Variants in RYR2 observed in about 807,000 individuals in gnomAD.
RYR2 encodes the protein ryanodine receptor 2.
A neutral mutation model predicts 601.1 loss-of-function variants in RYR2; 227 were observed. The ratio of observed to expected loss-of-function variants is 0.38; its 90% CI spans 0.34 to 0.42. The LOEUF is 0.42. RYR2 is among the 10% of genes least tolerant of loss of function. RYR2 has a pLI of 1.00. For synonymous variants in RYR2, 2,223 were observed against 2,175.1 expected, an observed-to-expected ratio of 1.02 and a Z score of -0.61; for missense variants, 4,646 against 6,156.5, an observed-to-expected ratio of 0.75 and a Z score of 8.21.
intron 88 of RYR2, among the ~76,000 whole-genome samples, chr1:237,781,175 A>G (rs1695077562): frequency 6.6e-6 from 1 of 152,004 alleles, no homozygotes; most frequent in Non-Finnish European, 1.5e-5. Flanking sequence ...CAGCCTCCTG[A>G]GTAGCTGAGA....
rs751278951 is a variant in RYR2, at chr1:237,733,733, G to C, written c.11068G>C (p.Ala3690Pro). Reference sequence around the variant, plus strand: ...ACTGGAGGAAGATTTTTTATATATGGCCTATGCAGATATTATGGCAAAGGT... The same window carrying C: ...ACTGGAGGAAGATTTTTTATATATGCCCTATGCAGATATTATGGCAAAGGT... ...CKLEEDFLYMAYADIMAKSCH... is the reference protein window; with the variant it reads ...CKLEEDFLYMPYADIMAKSCH... Residue 3690 changes from alanine (A) to proline (P), a missense_variant, in exon 79 of 105, where the codon GCC becomes CCC. Ala to Pro is a conservative substitution (Grantham distance 27, BLOSUM62 -1). Around this residue, in one of 17 missense-constraint regions of RYR2, gnomAD observed 1,497 missense variants for 1,842.6 expected, o/e 0.81. Coordinates refer to ENST00000366574, the MANE Select transcript of RYR2 (RefSeq NM_001035.3). 1 of 1,609,262 alleles carries C rather than the reference G, an allele frequency of 6.2e-7. No individual in the cohort carries two copies. Among genetic ancestry groups the C allele is most frequent in the Admixed American group, 1.7e-5 (1 of 59,938 alleles).
chr1:237,330,600 C>T (rs1185076710), intron 2 of RYR2, among the ~76,000 whole-genome samples: 3 of 152,152 alleles, frequency 2.0e-5, no homozygotes, highest in Admixed American at 1.3e-4. Context: ...GTTGGCCAGG[C>T]TGAACTCAAA....
chr1:237,083,093 C>T (rs1392652566), intron 1 of RYR2, among the ~76,000 whole-genome samples: 2 of 152,150 alleles, frequency 1.3e-5, no homozygotes, highest in African/African-American at 4.8e-5. Flanking sequence ...TGCCACAAGT[C>T]CCCTTTCAGA....
At chr1:237,546,999 ATTTATT>A (rs1669893899) in intron 25 of RYR2, among the ~76,000 whole-genome samples, 5 of 141,192 alleles carry the variant, frequency 3.5e-5, no homozygotes. Context: ...ATATATATTT[ATTTATT>A]TATTTATTTA....
intron 60 of RYR2, among the ~76,000 whole-genome samples, chr1:237,677,466 A>G (rs1369757017): frequency 6.6e-6 from 1 of 152,166 alleles, no homozygotes; most frequent in Admixed American, 6.5e-5. Context: ...ATCTTTTGAC[A>G]TAGGTCAAAA....
At chr1:237,405,461 C>A (rs532227520) in intron 10 of RYR2, among the ~76,000 whole-genome samples, 3 of 152,308 alleles carry the variant, frequency 2.0e-5, no homozygotes, top group Non-Finnish European at 4.4e-5. Flanking sequence ...CAAGTCTAAT[C>A]CACAGACTCA....
At chr1:237,764,213 G>A (rs763508156) in intron 84 of RYR2, among the ~76,000 whole-genome samples, 30 of 152,076 alleles carry the variant, frequency 2.0e-4, no homozygotes, top group Admixed American at 1.2e-3. Context: ...TATAGATAAG[G>A]AAACAGAGGA....
intron 1 of RYR2, among the ~76,000 whole-genome samples, chr1:237,136,226 T>A (rs1672759003): frequency 6.6e-6 from 1 of 152,212 alleles, no homozygotes; most frequent in Non-Finnish European, 1.5e-5. Context: ...CAGGATAGCA[T>A]TGCCATGTAA....
At chr1:237,296,771 C>G (rs918181671) in intron 2 of RYR2, among the ~76,000 whole-genome samples, 3 of 152,168 alleles carry the variant, frequency 2.0e-5, no homozygotes, top group African/African-American at 7.2e-5. Context: ...GGGCTCAGGT[C>G]AAGCACTTCT....
intron 73 of RYR2, among the ~76,000 whole-genome samples, chr1:237,721,086 AT>A (rs1197575723): frequency 6.6e-6 from 1 of 152,148 alleles, no homozygotes; most frequent in Non-Finnish European, 1.5e-5. Context: ...CAAAAAATGA[AT>A]TTTTTTATTC....
At chr1:237,736,139 C>CA (rs1259197581) in intron 79 of RYR2, among the ~76,000 whole-genome samples, 1 of 151,778 alleles carries the variant, frequency 6.6e-6, no homozygotes, top group African/African-American at 2.4e-5. Flanking sequence ...AGCTGAAACA[C>CA]ATAGTTTAAT....
At chr1:237,830,274 CCAT>C (rs150126361) in intron 102 of RYR2, 217 of 359,670 alleles carry the variant, frequency 6.0e-4, no homozygotes, top group South Asian at 1.0e-3. Context: ...TGCTTTTCAG[CCAT>C]CATCATCATC....
intron 57 of RYR2, among the ~76,000 whole-genome samples, chr1:237,667,345 G>A (rs962414265): frequency 2.6e-5 from 4 of 152,092 alleles, no homozygotes; most frequent in African/African-American, 7.2e-5. Flanking sequence ...CCATATGAAC[G>A]TATTAAAATG....
At chr1:237,115,408 G>C (rs1669957006) in intron 1 of RYR2, among the ~76,000 whole-genome samples, 2 of 152,160 alleles carry the variant, frequency 1.3e-5, no homozygotes, top group Non-Finnish European at 2.9e-5. Context: ...ACACAGCAAG[G>C]CTAATTCCTG....
chr1:237,684,058 G>T (rs1258487663), intron 62 of RYR2, among the ~76,000 whole-genome samples: 1 of 151,980 alleles, frequency 6.6e-6, no homozygotes, highest in East Asian at 1.9e-4. Context: ...CTCCTGAGTA[G>T]CTGGGATTAC....
chr1:237,155,462 C>G (rs1478812142), intron 1 of RYR2, among the ~76,000 whole-genome samples: 1 of 152,090 alleles, frequency 6.6e-6, no homozygotes, highest in Non-Finnish European at 1.5e-5. Flanking sequence ...AGGCATGAGC[C>G]GAATAGTGGC....
At chr1:237,243,193 T>C (rs1235232028) in intron 1 of RYR2, among the ~76,000 whole-genome samples, 1 of 152,092 alleles carries the variant, frequency 6.6e-6, no homozygotes, top group East Asian at 1.9e-4. Context: ...CTGAGTGTCC[T>C]CTTCCAATTC....
Position 237,595,657 on chromosome 1 carries a change from G to A in RYR2, c.4596G>A (p.Gln1532=). The A allele has an allele frequency of 6.2e-7, 1 of 1,607,522 alleles. No homozygotes were observed. Among genetic ancestry groups the A allele is most frequent in the Non-Finnish European group, 8.5e-7 (1 of 1,177,744 alleles). The part of the protein sequence containing the change: ...ANGKELSTYY[Q]VEPSTKLFPA... ...GCAAGGAACTGAGCACATACTATCA[G>A]GTACGCGGTCAGTGATGATATCAGT... The change falls in exon 34 of 105, where the codon CAG becomes CAA. Residue 1532 remains glutamine, a splice_region_variant and synonymous_variant. Coordinates refer to ENST00000366574, the MANE Select transcript of RYR2 (RefSeq NM_001035.3).
intron 84 of RYR2, among the ~76,000 whole-genome samples, chr1:237,764,658 G>T (rs935441943): frequency 6.6e-6 from 1 of 151,810 alleles, no homozygotes; most frequent in Non-Finnish European, 1.5e-5. Flanking sequence ...TCTTGGCCAG[G>T]CTGGTCTTGA....
Sources: allele counts gnomAD v4.1 joint callset (sites outside exome capture counted in the v4.1 genomes callset), GRCh38; gene constraint gnomAD v4.1.1; regional missense constraint gnomAD v4.1.1; transcripts MANE v1.5; gene names NCBI Gene and HGNC (gene_info 2026-07-23, HGNC 2026-07-21).